DMD: variants seen among roughly 807,000 people sequenced by gnomAD.
DMD encodes the protein dystrophin.
In DMD, 63 loss-of-function variants were observed where a neutral mutation model predicts 330.1. That is an observed-to-expected ratio of 0.19 (90% confidence interval 0.16 to 0.24). The LOEUF is 0.24. Ranked by LOEUF, DMD falls within the 10% of genes least tolerant of loss-of-function variation. DMD has a pLI of 1.00. For synonymous variants in DMD, 1,223 were observed against 959.8 expected (o/e 1.27, Z -5.07); for missense variants, 3,344 against 2,684.1 (o/e 1.25, Z -5.43).
rs3040089 is a variant in DMD at position 32,173,066 on chromosome X, GGTGTGTGTGTGT to G, written c.6438+43838_6438+43849del. ...TTTTCAGCTTGTGATACCTGATTTT[GGTGTGTGTGTGT>G]GTGTGTGTGTGTGTGTGTGTGTGTG... is the stretch of plus-strand genomic sequence containing the variant. On this transcript the variant is annotated intron_variant, in intron 44 of 78. Coordinates refer to ENST00000357033, the MANE Select transcript of DMD (RefSeq NM_004006.3). Among the ~76,000 whole-genome samples the G allele has an allele frequency of 2.2e-4, 20 of 89,628 alleles. No individual in the cohort carries two copies. The East Asian group carries it at 2.4e-3, about 11-fold the overall frequency. 77.8% of individuals were successfully genotyped at this position (89,628 alleles called of 115,157 possible).
chrX:31,503,239 A>G (rs2070592505), intron 56 of DMD, among the ~76,000 whole-genome samples: 1 of 112,383 alleles, frequency 8.9e-6, no homozygotes, highest in South Asian at 3.6e-4. Flanking sequence ...AGAAAAATTA[A>G]ACAATTTTCC....
chrX:32,418,862 A>G (rs2098176873), intron 29 of DMD, among the ~76,000 whole-genome samples: 1 of 106,412 alleles, frequency 9.4e-6, no homozygotes, highest in Non-Finnish European at 1.9e-5. Context: ...AGTCCCAGCT[A>G]CGCAGGAGGC....
rs142825078 is a variant in DMD at position 31,944,750 on chromosome X, C to T, written c.6615-12523G>A. Among the ~76,000 whole-genome samples the T allele has an allele frequency of 2.4e-3, 260 of 107,417 alleles. 2 individuals carry two copies. The highest frequency in any genetic ancestry group is 9.3e-3 in the Middle Eastern group (2 of 214). The allele number at this position is 107,417 out of a possible 115,157, so 93.3% of individuals were successfully genotyped here. ...GTCTCGATCTCTTGACCTCGTGATC[C>T]GCCCGCCTCGGCCTCCCAGAGTGCT... On this transcript the variant is annotated intron_variant, in intron 45 of 78. Transcript: ENST00000357033.
intron 2 of DMD, among the ~76,000 whole-genome samples, chrX:32,988,740 T>C: frequency 8.9e-6 from 1 of 112,058 alleles, no homozygotes; most frequent in Non-Finnish European, 1.9e-5. Flanking sequence ...ATCAATTGTG[T>C]AAAGGGAAGC....
intron 23 of DMD, among the ~76,000 whole-genome samples, chrX:32,465,872 C>A (rs2039972505): frequency 9.0e-6 from 1 of 111,278 alleles, no homozygotes; most frequent in African/African-American, 3.3e-5. Flanking sequence ...GCATGAGCCA[C>A]TACGCCTGGG....
chrX:31,121,070 C>T lies in DMD; in HGVS notation c.*849G>A, dbSNP rs1170281120. ...GTAGTTTCCTCCTGGCTTCCGGCTC[C>T]GGGAAAAATCCATTCTAGACCAAGC... On this transcript the variant is annotated 3_prime_UTR_variant, in exon 79 of 79. Coordinates refer to ENST00000357033, the MANE Select transcript of DMD (RefSeq NM_004006.3). The T allele has an allele frequency of 9.0e-5, 10 of 111,611 alleles. No individual in the cohort carries two copies. The highest frequency in any genetic ancestry group is 1.5e-4 in the Non-Finnish European group (8 of 53,028). The allele number at this position is 111,611 out of a possible 1,213,427, so 9.2% of individuals were successfully genotyped here. A position where few individuals can be genotyped will look rare whatever the true frequency, so the allele number is the denominator to read the frequency against.
intron 7 of DMD, among the ~76,000 whole-genome samples, chrX:32,705,326 AT>A (rs2064519060): frequency 8.9e-6 from 1 of 112,373 alleles, no homozygotes; most frequent in Non-Finnish European, 1.9e-5. Flanking sequence ...GTAAAATGTC[AT>A]AATGGAAATA....
At chrX:31,516,545 G>A (rs925418655) in intron 55 of DMD, among the ~76,000 whole-genome samples, 2 of 111,813 alleles carry the variant, frequency 1.8e-5, no homozygotes, top group Non-Finnish European at 3.8e-5. Flanking sequence ...GTTAATTTGA[G>A]GACTGCTGTT....
intron 1 of DMD, among the ~76,000 whole-genome samples, chrX:33,219,533 C>T (rs773699126): frequency 3.7e-5 from 4 of 107,341 alleles, no homozygotes; most frequent in Middle Eastern, 4.9e-3. Flanking sequence ...ATTCACATAA[C>T]GATGTGATTT....
chrX:32,389,681 G>A lies in DMD; in HGVS notation c.4345-7C>T. 1 of 1,207,893 alleles carries A rather than the reference G, an allele frequency of 8.3e-7. No individual in the cohort carries two copies. The highest frequency in any genetic ancestry group is 1.1e-6 in the Non-Finnish European group (1 of 893,420). ...AGACATCTTGTAATTTTTTCTGTAA[G>A]GACAGTGTAAAAAGGCACTGATTTA... On this transcript the variant is annotated splice_region_variant and splice_polypyrimidine_tract_variant and intron_variant, in intron 31 of 78. Coordinates refer to ENST00000357033, the MANE Select transcript of DMD (RefSeq NM_004006.3).
chrX:33,032,417 G>T lies in DMD; in HGVS notation c.32-12217C>A, dbSNP rs189445156. On this transcript the variant is annotated intron_variant, in intron 1 of 78. Coordinates refer to ENST00000357033, the MANE Select transcript of DMD (RefSeq NM_004006.3). ...CAGAGCATTAGCCTATAATAAAGCT[G>T]ACTAATATAGCAGGTAAATAGTAAA... Among the ~76,000 whole-genome samples, 3 of 111,847 alleles carry T rather than the reference G, an allele frequency of 2.7e-5. No individual in the cohort carries two copies. In the Admixed American group the frequency reaches 2.8e-4, roughly 11 times the overall value.
chrX:33,295,960 C>T (rs1406478534), intron 1 of DMD, among the ~76,000 whole-genome samples: 1 of 111,517 alleles, frequency 9.0e-6, no homozygotes, highest in Non-Finnish European at 1.9e-5. Context: ...TGATGACAAA[C>T]TATTTTGTGA....
chrX:31,466,848 G>T (rs2066893786), intron 59 of DMD, among the ~76,000 whole-genome samples: 1 of 111,223 alleles, frequency 9.0e-6, no homozygotes, highest in Non-Finnish European at 1.9e-5. Context: ...CTTGAGCAGT[G>T]GTTTGTAGTT....
At chrX:33,162,458 C>A (rs990272564) in intron 1 of DMD, among the ~76,000 whole-genome samples, 2 of 111,149 alleles carry the variant, frequency 1.8e-5, no homozygotes, top group African/African-American at 6.5e-5. Context: ...GGAGATGAAG[C>A]CCTACACTAG....
intron 1 of DMD, among the ~76,000 whole-genome samples, chrX:33,224,644 T>C (rs1376510221): frequency 1.8e-5 from 2 of 111,707 alleles, no homozygotes; most frequent in Non-Finnish European, 3.8e-5. Context: ...TCATAGTAGA[T>C]ACACATCACT....
intron 62 of DMD, chrX:31,266,863 G>A (rs1174147875): frequency 1.7e-6 from 2 of 1,201,041 alleles, no homozygotes; most frequent in African/African-American, 1.7e-5. Flanking sequence ...GTGTGGGTAC[G>A]AGTGGAGGAG....
intron 2 of DMD, among the ~76,000 whole-genome samples, chrX:32,875,358 T>G (rs2083294861): frequency 1.8e-5 from 2 of 112,033 alleles, no homozygotes; most frequent in Admixed American, 1.9e-4. Context: ...TTTCTCCTTT[T>G]CCTCCAGCCT....
At chrX:31,683,084 T>C (rs2082474784) in intron 52 of DMD, among the ~76,000 whole-genome samples, 1 of 112,156 alleles carries the variant, frequency 8.9e-6, no homozygotes, top group African/African-American at 3.2e-5. Context: ...AAATGGCTCC[T>C]TGGGGTGTGC....
intron 5 of DMD, 35 bp downstream of exon 5, chrX:32,823,260 T>C: frequency 3.6e-6 from 4 of 1,097,659 alleles, no homozygotes; most frequent in Non-Finnish European, 5.0e-6. Flanking sequence ...AAGATTAATG[T>C]TACCCAAAAG....
Sources: allele counts gnomAD v4.1 joint callset (sites outside exome capture counted in the v4.1 genomes callset), GRCh38; gene constraint gnomAD v4.1.1; transcripts MANE v1.5; gene names NCBI Gene and HGNC (gene_info 2026-07-23, HGNC 2026-07-21).